AGAP1: variants seen among roughly 807,000 people sequenced by gnomAD.
AGAP1 encodes ArfGAP with GTPase domain, ankyrin repeat and PH domain 1, also known as arf-GAP with GTPase, ANK repeat and PH domain-containing protein 1.
In AGAP1, 29 loss-of-function variants were observed where a neutral mutation model predicts 105.3. The ratio of observed to expected loss-of-function variants is 0.28; its 90% CI spans 0.21 to 0.38. AGAP1 has a LOEUF of 0.38. AGAP1 is among the 10% of genes least tolerant of loss of function. AGAP1 has a pLI of 1.00. For synonymous variants in AGAP1, 509 were observed against 485.9 expected (o/e 1.05, Z -0.63); for missense variants, 998 against 1,165.1 (o/e 0.86, Z 2.09).
chr2:235,720,486 G>A lies in AGAP1; in HGVS notation c.310+2842G>A, dbSNP rs373240246. Reference sequence around the variant, plus strand: ...TCCCACAGTGGTGGGAGTGGTTGGCGCCCGGTTGAGGGATTGGATTTTGAG... The same window carrying A: ...TCCCACAGTGGTGGGAGTGGTTGGCACCCGGTTGAGGGATTGGATTTTGAG... On this transcript the variant is annotated intron_variant, in intron 3 of 17. Coordinates refer to ENST00000304032, the MANE Select transcript of AGAP1 (RefSeq NM_001037131.3). This position sits in a 1 kb window ranked among gnomAD's most constrained non-coding sequence, Gnocchi z 5.0. Among the ~76,000 whole-genome samples, 67 of 152,192 alleles carry A rather than the reference G, an allele frequency of 4.4e-4. 1 individual carries two copies. In the East Asian group the frequency reaches 6.0e-3, roughly 14 times the overall value.
rs978999553 is a variant in AGAP1 at position 235,959,028 on chromosome 2, C to T, written c.1484-9434C>T. Reference sequence around the variant, plus strand: ...AATGTGCGGGATGGTGCCGGCCCATCCCGGCTCAGCGCCGCGCAGCTCGGG... The same window carrying T: ...AATGTGCGGGATGGTGCCGGCCCATTCCGGCTCAGCGCCGCGCAGCTCGGG... On this transcript the variant is annotated intron_variant, in intron 12 of 17. Transcript: ENST00000304032. The surrounding 1 kb of genome is among the most constrained non-coding windows in gnomAD (Gnocchi z 7.3). Among the ~76,000 whole-genome samples the T allele has an allele frequency of 4.6e-5, 7 of 152,188 alleles. No homozygotes were observed. The highest frequency in any genetic ancestry group is 8.8e-5 in the Non-Finnish European group (6 of 68,038).
rs1452943986 is a variant in AGAP1 at position 235,700,973 on chromosome 2, TTATA to T, written c.164-8202_164-8199del. 6.9e-6 allele frequency among the ~76,000 whole-genome samples: 1 copy of T among 145,380 alleles called. No individual in the cohort carries two copies. The highest frequency in any genetic ancestry group is 1.5e-5 in the Non-Finnish European group (1 of 67,092). ...ATATATATTATGTATTATGTATATA[TTATA>T]TATGTATATATTATATATGCTATAA... On this transcript the variant is annotated intron_variant, in intron 1 of 17. Transcript: ENST00000304032. The surrounding 1 kb of genome is among the most constrained non-coding windows in gnomAD (Gnocchi z 6.1).
chr2:235,617,750 G>A (rs1364663711), intron 1 of AGAP1, among the ~76,000 whole-genome samples: 1 of 152,114 alleles, frequency 6.6e-6, no homozygotes, highest in Non-Finnish European at 1.5e-5. Flanking sequence ...CTGTTTCTGC[G>A]GCCTGGCTAA....
chr2:235,520,001 C>T (rs991453826), intron 1 of AGAP1, among the ~76,000 whole-genome samples: 24 of 152,104 alleles, frequency 1.6e-4, no homozygotes, highest in Admixed American at 1.1e-3. Flanking sequence ...AGGCTGGTTT[C>T]GAACTACTGA....
At chr2:235,649,750 G>A (rs181481924) in intron 1 of AGAP1, among the ~76,000 whole-genome samples, 140 of 152,308 alleles carry the variant, frequency 9.2e-4, no homozygotes, top group South Asian at 3.9e-3. Flanking sequence ...GGAGCACTAC[G>A]CTGTAGGTTC....
chr2:235,921,608 T>C (rs1239997508), intron 11 of AGAP1, among the ~76,000 whole-genome samples: 1 of 152,214 alleles, frequency 6.6e-6, no homozygotes, highest in African/African-American at 2.4e-5. Context: ...CACGTTGCTG[T>C]ATTTAGTAGT....
intron 13 of AGAP1, among the ~76,000 whole-genome samples, chr2:236,011,251 A>G (rs2056504028): frequency 6.6e-6 from 1 of 152,184 alleles, no homozygotes; most frequent in African/African-American, 2.4e-5. Context: ...CACGAGTGGC[A>G]TTCTCTCCCA....
rs2056622884 is a variant in AGAP1 at position 236,014,408 on chromosome 2, G to C, written c.1646-22153G>C. On this transcript the variant is annotated intron_variant, in intron 13 of 17. Transcript: ENST00000304032. The surrounding 1 kb of genome is among the most constrained non-coding windows in gnomAD (Gnocchi z 6.3). ...TGATTTGACATGCTCCTAATATTTG[G>C]CCGAATCAAAGGGCTTGTGGCGACT... Among the ~76,000 whole-genome samples, 1 of 152,172 alleles carries C rather than the reference G, an allele frequency of 6.6e-6. No individual in the cohort carries two copies. Among genetic ancestry groups the C allele is most frequent in the African/African-American group, 2.4e-5 (1 of 41,434 alleles).
chr2:236,080,847 T>A lies in AGAP1; in HGVS notation c.2114+31566T>A, dbSNP rs560300331. ...TGTTTCTGTCCTCACATCTTCTGAC[T>A]CTGATTCTCCTATTTATATGACCCT... is the stretch of plus-strand genomic sequence containing the variant. On this transcript the variant is annotated intron_variant, in intron 16 of 17. Transcript: ENST00000304032. The surrounding 1 kb of genome is among the most constrained non-coding windows in gnomAD (Gnocchi z 4.2). 6.6e-6 allele frequency among the ~76,000 whole-genome samples: 1 copy of A among 152,302 alleles called. No individual in the cohort carries two copies. Among genetic ancestry groups the A allele is most frequent in the South Asian group, 2.1e-4 (1 of 4,820 alleles).
intron 1 of AGAP1, among the ~76,000 whole-genome samples, chr2:235,685,488 T>G (rs1949330220): frequency 1.3e-5 from 2 of 151,322 alleles, no homozygotes; most frequent in Admixed American, 1.3e-4. Context: ...TTTCAGTGGC[T>G]GCCAGCAGAG....
intron 13 of AGAP1, 102 bp downstream of exon 13, chr2:235,968,725 C>A: frequency 8.1e-7 from 1 of 1,239,436 alleles, no homozygotes; most frequent in South Asian, 1.4e-5. Flanking sequence ...AACAAATGCA[C>A]AGTAATGCTG....
Position 235,951,951 on chromosome 2 carries a change from T to A in AGAP1, c.1484-16511T>A, listed in dbSNP as rs2053755761. Among the ~76,000 whole-genome samples, 1 of 152,246 alleles carries A rather than the reference T, an allele frequency of 6.6e-6. No homozygotes were observed. Among genetic ancestry groups the A allele is most frequent in the Non-Finnish European group, 1.5e-5 (1 of 68,040 alleles). ...CATTTACCATCTGGTTTGGGGAACC[T>A]TCTGTCATCCTACCTGCTATGTATT... On this transcript the variant is annotated intron_variant, in intron 12 of 17. Coordinates refer to ENST00000304032, the MANE Select transcript of AGAP1 (RefSeq NM_001037131.3). The surrounding 1 kb of genome is among the most constrained non-coding windows in gnomAD (Gnocchi z 4.2).
In AGAP1 at chr2:235,582,457, T is replaced by C. The variant is rs993355995; in HGVS notation, c.163+87608T>C. ...AGCATGGGTGTCCCCTTAGACATCA[T>C]GGGAGCTCATTGCATTGATGAAGCC... On this transcript the variant is annotated intron_variant, in intron 1 of 17. Transcript: ENST00000304032. This position sits in a 1 kb window ranked among gnomAD's most constrained non-coding sequence, Gnocchi z 4.7. 6.6e-6 allele frequency among the ~76,000 whole-genome samples: 1 copy of C among 152,202 alleles called. No homozygotes were observed. The highest frequency in any genetic ancestry group is 6.5e-5 in the Admixed American group (1 of 15,284).
At chr2:235,581,350 AGG>A (rs1283115590) in intron 1 of AGAP1, among the ~76,000 whole-genome samples, 1 of 150,438 alleles carries the variant, frequency 6.6e-6, no homozygotes, top group Non-Finnish European at 1.5e-5. Context: ...GGAGACTTGG[AGG>A]TTGCACACTG....
rs1188316373 is a variant in AGAP1, at chr2:235,754,495, C to T, written c.673+4007C>T. Among the ~76,000 whole-genome samples the T allele has an allele frequency of 1.1e-4, 17 of 151,776 alleles. No homozygotes were observed. Among genetic ancestry groups the T allele is most frequent in the Non-Finnish European group, 1.6e-4 (11 of 67,996 alleles). On this transcript the variant is annotated intron_variant, in intron 6 of 17. Transcript: ENST00000304032. The surrounding 1 kb of genome is among the most constrained non-coding windows in gnomAD (Gnocchi z 4.6). ...GCCATGTTCCTGATTGGCTCTGTAC[C>T]GAGGTTCATTTAAAAGGCCAGGGAC... is the stretch of plus-strand genomic sequence containing the variant.
At chr2:235,849,397 C>T (rs995488932) in intron 9 of AGAP1, among the ~76,000 whole-genome samples, 2 of 152,098 alleles carry the variant, frequency 1.3e-5, no homozygotes, top group Non-Finnish European at 2.9e-5. Flanking sequence ...ATTCATTGTT[C>T]GAAATCAAAT....
At chr2:235,917,654 G>A (rs1356841597) in intron 11 of AGAP1, among the ~76,000 whole-genome samples, 1 of 152,130 alleles carries the variant, frequency 6.6e-6, no homozygotes, top group African/African-American at 2.4e-5. Context: ...GTTCGGGGGA[G>A]GCAATGAGGC....
At position 235,714,833 on chromosome 2, in the gene AGAP1, C is replaced by T. The variant is rs2149534079; in HGVS notation, c.223-2724C>T. Among the ~76,000 whole-genome samples, 1 of 152,276 alleles carries T rather than the reference C, an allele frequency of 6.6e-6. No homozygotes were observed. The highest frequency in any genetic ancestry group is 1.9e-4 in the East Asian group (1 of 5,176). ...TTTTGTTTTGAGACAGAGTCTCGCT[C>T]TGTCACCCAGGCTGGAGTCCAGTGG... is the stretch of plus-strand genomic sequence containing the variant. On this transcript the variant is annotated intron_variant, in intron 2 of 17. Coordinates refer to ENST00000304032, the MANE Select transcript of AGAP1 (RefSeq NM_001037131.3). The surrounding 1 kb of genome is among the most constrained non-coding windows in gnomAD (Gnocchi z 4.1).
In AGAP1 at chr2:236,020,602, G is replaced by T. The variant is rs1414584147; in HGVS notation, c.1646-15959G>T. On this transcript the variant is annotated intron_variant, in intron 13 of 17. Coordinates refer to ENST00000304032, the MANE Select transcript of AGAP1 (RefSeq NM_001037131.3). This position sits in a 1 kb window ranked among gnomAD's most constrained non-coding sequence, Gnocchi z 5.0. ...CTTCCTCTCTGTTCTTTTCTTCCTC[G>T]CATGCAGACAATAAAACCTACCTTG... is the stretch of plus-strand genomic sequence containing the variant. Among the ~76,000 whole-genome samples, 1 of 152,150 alleles carries T rather than the reference G, an allele frequency of 6.6e-6. No individual in the cohort carries two copies. The highest frequency in any genetic ancestry group is 2.1e-4 in the South Asian group (1 of 4,812).
Sources: gnomAD v4.1 joint callset for allele counts (sites outside exome capture counted in the v4.1 genomes callset) on GRCh38, gnomAD v4.1.1 for gene constraint, Gnocchi (gnomAD v3.1) non-coding constraint, MANE v1.5 for transcripts, NCBI Gene and HGNC (gene_info 2026-07-23, HGNC 2026-07-21) for gene names.